The following PTBP1 variants were observed in gnomAD, a reference collection of about 807,000 sequenced individuals.
The protein encoded by PTBP1 is polypyrimidine tract binding protein 1, also known as polypyrimidine tract-binding protein 1.
A neutral mutation model predicts 59.8 loss-of-function variants in PTBP1; 8 were observed. The observed-to-expected ratio is 0.13, with a 90% CI of 0.08 to 0.24. The LOEUF (loss-of-function observed/expected upper bound fraction) is 0.24. Ranked by LOEUF, PTBP1 falls within the 10% of genes least tolerant of loss-of-function variation. PTBP1 has a pLI of 1.00. For synonymous variants in PTBP1, 490 were observed against 320.7 expected, an observed-to-expected ratio of 1.53 and a Z score of -5.64; for missense variants, 686 against 767.0, an observed-to-expected ratio of 0.89 and a Z score of 1.25.
At position 807,856 on chromosome 19, in the gene PTBP1, G is replaced by C; in HGVS notation, c.1120-13G>C. The C allele has an allele frequency of 6.2e-7, 1 of 1,612,864 alleles. No homozygotes were observed. The highest frequency in any genetic ancestry group is 8.5e-7 in the Non-Finnish European group (1 of 1,179,002). On this transcript the variant is annotated splice_polypyrimidine_tract_variant and intron_variant, in intron 10 of 14. Coordinates refer to ENST00000356948, the MANE Select transcript of PTBP1 (RefSeq NM_002819.5). Reference sequence around the variant, plus strand: ...CCCTGTCCCTCCGCTGCCTTGCTCTGCTGTCTCTAAAGAGAGTCACACCCC... The same window carrying C: ...CCCTGTCCCTCCGCTGCCTTGCTCTCCTGTCTCTAAAGAGAGTCACACCCC...
intron 6 of PTBP1, 32 bp from the exon 7 acceptor site, chr19:804,797 C>CAGGA: frequency 1.2e-6 from 2 of 1,608,612 alleles, no homozygotes; most frequent in Non-Finnish European, 1.7e-6. Flanking sequence ...GGGCACCGGG[C>CAGGA]AGGAGCTCAT....
intron 14 of PTBP1, 33 bp from the exon 15 acceptor site, chr19:810,661 C>T: frequency 6.2e-7 from 1 of 1,611,936 alleles, no homozygotes; most frequent in Non-Finnish European, 8.5e-7. Flanking sequence ...CCCCAGGCTG[C>T]CCTGCGGCCG....
intron 1 of PTBP1, among the ~76,000 whole-genome samples, chr19:798,753 G>A (rs1244460124): frequency 4.6e-5 from 7 of 152,274 alleles, no homozygotes; most frequent in African/African-American, 7.2e-5. Context: ...GGACCTGGCC[G>A]GGGCTGAAGG....
In PTBP1 at chr19:804,313, G is replaced by T; in HGVS notation, c.310G>T (p.Glu104Ter). Residue 104 changes from glutamate (E) to a stop codon, truncating the protein, a stop_gained, in exon 5 of 15, where the codon GAG becomes TAG. Transcript: ENST00000356948. LOFTEE classifies it high-confidence loss of function. ...ACAGGCCTTCATCGAGATGAACACGGAGGAGGCTGCCAACACCATGGTGAA... is the reference window on the plus strand; with the variant it reads ...ACAGGCCTTCATCGAGATGAACACGTAGGAGGCTGCCAACACCATGGTGAA... ...KNQAFIEMNT[E>*]EAANTMVNYY... 1 of 1,613,814 alleles carries T rather than the reference G, an allele frequency of 6.2e-7. No individual in the cohort carries two copies.
At chr19:799,999 T>A (rs1353362062) in intron 2 of PTBP1, among the ~76,000 whole-genome samples, 1 of 152,080 alleles carries the variant, frequency 6.6e-6, no homozygotes, top group Non-Finnish European at 1.5e-5. Context: ...TGATCTTGGC[T>A]CACTGCAACC....
chr19:805,140 C>G lies in PTBP1; in HGVS notation c.845C>G (p.Ser282Cys). ...GACTACACACGCCCAGACCTGCCTTCCGGGGACAGCCAGCCCTCGCTGGAC... is the reference window on the plus strand; with the variant it reads ...GACTACACACGCCCAGACCTGCCTTGCGGGGACAGCCAGCCCTCGCTGGAC... ...SRDYTRPDLPSGDSQPSLDQT... is the reference protein window; with the variant it reads ...SRDYTRPDLPCGDSQPSLDQT... Residue 282 changes from serine (S) to cysteine (C), a missense_variant, in exon 8 of 15, where the codon TCC (serine) becomes TGC (cysteine). Ser to Cys is a moderately radical substitution (Grantham distance 112). Transcript: ENST00000356948. 2 of 1,613,768 alleles carry G rather than the reference C, an allele frequency of 1.2e-6. No individual in the cohort carries two copies. Among genetic ancestry groups the G allele is most frequent in the South Asian group, 1.1e-5 (1 of 91,090 alleles).
Position 805,201 on chromosome 19 carries a change from C to A in PTBP1, c.892+14C>A. The A allele has an allele frequency of 6.2e-7, 1 of 1,612,070 alleles. No homozygotes were observed. Among genetic ancestry groups the A allele is most frequent in the East Asian group, 2.2e-5 (1 of 44,840 alleles). Reference sequence around the variant, plus strand: ...CCGCGGCCTTCGGTAAGAGGCTGCCCGACGCGGCGCCAGTGTGCAGAGTGG... The same window carrying A: ...CCGCGGCCTTCGGTAAGAGGCTGCCAGACGCGGCGCCAGTGTGCAGAGTGG... On this transcript the variant is annotated intron_variant, in intron 8 of 14. Coordinates refer to ENST00000356948, the MANE Select transcript of PTBP1 (RefSeq NM_002819.5).
rs756549346 is a variant in PTBP1 at position 797,475 on chromosome 19, C to A, written c.-23C>A. On this transcript the variant is annotated 5_prime_UTR_variant, in exon 1 of 15. Coordinates refer to ENST00000356948, the MANE Select transcript of PTBP1 (RefSeq NM_002819.5). ...CTATTCCGGCGCCTCCACTCCGTCC[C>A]CCGCGGGTCTGCTCTGTGTGCCATG... 5 of 1,596,380 alleles carry A rather than the reference C, an allele frequency of 3.1e-6. No homozygotes were observed. In the East Asian group the frequency reaches 9.1e-5, roughly 29 times the overall value.
Position 810,910 on chromosome 19 carries a change from C to G in PTBP1, c.*84C>G. 7.9e-7 allele frequency: 1 copy of G among 1,264,140 alleles called. No homozygotes were observed. Among genetic ancestry groups the G allele is most frequent in the African/African-American group, 1.6e-5 (1 of 64,314 alleles). 78.3% of individuals were successfully genotyped at this position (1,264,140 alleles called of 1,614,324 possible). On this transcript the variant is annotated 3_prime_UTR_variant, in exon 15 of 15. Coordinates refer to ENST00000356948, the MANE Select transcript of PTBP1 (RefSeq NM_002819.5). ...GCCACTTTAAAAACAGCTGAAGTGA[C>G]CTTAGCAGACCAGAGATTTTATTTT...
intron 2 of PTBP1, among the ~76,000 whole-genome samples, chr19:799,803 ACT>A (rs1440666168): frequency 6.6e-6 from 1 of 151,628 alleles, no homozygotes; most frequent in Admixed American, 6.6e-5. Context: ...TGCCTGGGAG[ACT>A]CTTGGTTTTG....
chr19:800,716 G>A (rs1278259617), intron 2 of PTBP1, among the ~76,000 whole-genome samples: 2 of 152,198 alleles, frequency 1.3e-5, no homozygotes, highest in Admixed American at 6.5e-5. Context: ...GTGGGAGGAG[G>A]GAGAGGTACT....
intron 2 of PTBP1, among the ~76,000 whole-genome samples, chr19:802,967 G>C (rs916000429): frequency 6.6e-6 from 1 of 152,274 alleles, no homozygotes; most frequent in Admixed American, 6.5e-5. Context: ...GCGGGAGGCC[G>C]TGTCTCTAGT....
chr19:807,659 T>C, intron 10 of PTBP1: 1 of 500,536 alleles, frequency 2.0e-6, no homozygotes, highest in South Asian at 3.3e-5. Context: ...AACAAAAACA[T>C]AAACAAATAA....
Position 797,635 on chromosome 19 carries a change from C to T in PTBP1, c.8+130C>T, listed in dbSNP as rs548938979. The T allele has an allele frequency of 5.8e-4, 297 of 508,172 alleles. 2 individuals carry two copies. The East Asian group carries it at 0.013, about 23-fold the overall frequency. 31.5% of individuals were successfully genotyped at this position (508,172 alleles called of 1,614,324 possible). A position where few individuals can be genotyped will look rare whatever the true frequency, so the allele number is the denominator to read the frequency against. On this transcript the variant is annotated intron_variant, in intron 1 of 14. Transcript: ENST00000356948. ...GGAGGGGGCGGCGGGCTCTCCCCTT[C>T]CTCTCCGCGTGGCGGGCGCGGGTGC...
At chr19:801,613 C>T (rs913920836) in intron 2 of PTBP1, among the ~76,000 whole-genome samples, 20 of 152,266 alleles carry the variant, frequency 1.3e-4, no homozygotes, top group African/African-American at 4.6e-4. Flanking sequence ...AGGACCAGCC[C>T]TGGTGTCCTG....
chr19:808,536 G>A lies in PTBP1; in HGVS notation c.1247-10G>A, dbSNP rs1372128082. On this transcript the variant is annotated splice_polypyrimidine_tract_variant and intron_variant, in intron 12 of 14. Coordinates refer to ENST00000356948, the MANE Select transcript of PTBP1 (RefSeq NM_002819.5). This position sits in a 1 kb window ranked among gnomAD's most constrained non-coding sequence, Gnocchi z 4.7. ...TCGGGCGCCTGGTCACGCGGGTGCT[G>A]CTCCCCCAGCCATGAGCCACCTGAA... The A allele has an allele frequency of 6.3e-7, 1 of 1,577,654 alleles. No individual in the cohort carries two copies. The highest frequency in any genetic ancestry group is 1.4e-5 in the African/African-American group (1 of 73,800).
At position 808,548 on chromosome 19, in the gene PTBP1, A is replaced by G; in HGVS notation, c.1249A>G (p.Met417Val). 1 of 1,589,114 alleles carries G rather than the reference A, an allele frequency of 6.3e-7. No individual in the cohort carries two copies. The highest frequency in any genetic ancestry group is 8.5e-7 in the Non-Finnish European group (1 of 1,170,108). Residue 417 changes from methionine to valine, a missense_variant and splice_region_variant, in exon 13 of 15, where the codon ATG becomes GTG. Coordinates refer to ENST00000356948, the MANE Select transcript of PTBP1 (RefSeq NM_002819.5). This position sits in a 1 kb window ranked among gnomAD's most constrained non-coding sequence, Gnocchi z 4.7. Reference protein sequence around the residue: ...MADGNQAQLAMSHLNGHKLHG... With the variant: ...MADGNQAQLAVSHLNGHKLHG... Reference sequence around the variant, plus strand: ...TCACGCGGGTGCTGCTCCCCCAGCCATGAGCCACCTGAACGGGCACAAGCT... The same window carrying G: ...TCACGCGGGTGCTGCTCCCCCAGCCGTGAGCCACCTGAACGGGCACAAGCT...
intron 10 of PTBP1, 75 bp downstream of exon 10, chr19:806,631 C>G (rs1654628413): frequency 7.3e-7 from 1 of 1,374,302 alleles, no homozygotes; most frequent in Non-Finnish European, 9.5e-7. Flanking sequence ...GGGCTCGGGT[C>G]CCGGAGCAGC....
intron 2 of PTBP1, among the ~76,000 whole-genome samples, chr19:800,099 G>GT (rs890047666): frequency 2.0e-4 from 14 of 71,326 alleles, no homozygotes; most frequent in African/African-American, 7.3e-4. Flanking sequence ...GCTAATTTTT[G>GT]TATTTTTTTT....
Sources: gnomAD v4.1 joint callset for allele counts (sites outside exome capture counted in the v4.1 genomes callset) on GRCh38, gnomAD v4.1.1 for gene constraint, Gnocchi (gnomAD v3.1) non-coding constraint, MANE v1.5 for transcripts, NCBI Gene and HGNC (gene_info 2026-07-23, HGNC 2026-07-21) for gene names.